SEMA3E: variants seen among roughly 807,000 people sequenced by gnomAD.
SEMA3E encodes the protein semaphorin 3E.
In SEMA3E, 49 loss-of-function variants were observed where a neutral mutation model predicts 93.6. The ratio of observed to expected loss-of-function variants is 0.52; its 90% CI spans 0.42 to 0.66. The LOEUF (loss-of-function observed/expected upper bound fraction) is 0.66, where lower values mean the gene tolerates loss of function less well. SEMA3E is among the 30% of genes least tolerant of loss of function. The probability of loss-of-function intolerance (pLI) is 0.00; values close to 1 mark genes in which losing one functional copy is unlikely to be tolerated. For missense variants in SEMA3E, 906 were observed against 964.8 expected (o/e 0.94, Z 0.81); for synonymous variants, 363 against 330.7 (o/e 1.10, Z -1.06).
In SEMA3E at chr7:83,454,541, G is replaced by T. The variant is rs116546419; in HGVS notation, c.456+11941C>A. On this transcript the variant is annotated intron_variant, in intron 4 of 16. Transcript: ENST00000643230. ...AAGGCACATTTCAGTCACATAATGG[G>T]TGACTTTTTGAACCTCAAAAACTTA... 8.8e-3 allele frequency among the ~76,000 whole-genome samples: 1,343 copies of T among 151,940 alleles called. 18 individuals are homozygous for T. The highest frequency in any genetic ancestry group is 0.031 in the African/African-American group (1,295 of 41,476).
At chr7:83,486,869 C>A (rs1297450063) in intron 2 of SEMA3E, among the ~76,000 whole-genome samples, 1 of 152,052 alleles carries the variant, frequency 6.6e-6, no homozygotes, top group Non-Finnish European at 1.5e-5. Flanking sequence ...CCCACTCCCC[C>A]AAGTTGTATA....
intron 1 of SEMA3E, among the ~76,000 whole-genome samples, chr7:83,640,990 G>C (rs1339325498): frequency 6.6e-6 from 1 of 152,066 alleles, no homozygotes; most frequent in Non-Finnish European, 1.5e-5. Context: ...AGGAAGTAGA[G>C]AAAAAGGTGG....
chr7:83,471,145 A>C (rs1250036445), intron 2 of SEMA3E, among the ~76,000 whole-genome samples: 1 of 152,054 alleles, frequency 6.6e-6, no homozygotes, highest in African/African-American at 2.4e-5. Context: ...ATTTGTTAAG[A>C]GGTATATGAT....
At chr7:83,544,203 G>A (rs1227183371) in intron 1 of SEMA3E, among the ~76,000 whole-genome samples, 2 of 151,944 alleles carry the variant, frequency 1.3e-5, no homozygotes, top group Non-Finnish European at 2.9e-5. Flanking sequence ...ACATTTAAGA[G>A]AAGTATATAA....
chr7:83,593,315 TGTGTGTGTGTGTGTGTGTG>T, intron 1 of SEMA3E, among the ~76,000 whole-genome samples: 1 of 108,692 alleles, frequency 9.2e-6, no homozygotes, highest in Admixed American at 9.7e-5. Flanking sequence ...TGTGTGTGTG[TGTGTGTGTGTGTGTGTGTG>T]TTGGGGAGGG....
chr7:83,396,965 C>G (rs1326091971), intron 11 of SEMA3E, among the ~76,000 whole-genome samples: 1 of 151,564 alleles, frequency 6.6e-6, no homozygotes, highest in Non-Finnish European at 1.5e-5. Context: ...ACCTGTAATC[C>G]CAGCTACTTG....
intron 9 of SEMA3E, 107 bp from the exon 10 acceptor site, chr7:83,402,883 T>G (rs939458146): frequency 5.6e-5 from 59 of 1,051,664 alleles, no homozygotes; most frequent in Non-Finnish European, 8.3e-5. Context: ...GGTAAAGTGG[T>G]TGCAATTTCT....
chr7:83,467,386 T>C (rs1789790781), intron 3 of SEMA3E, among the ~76,000 whole-genome samples: 1 of 152,184 alleles, frequency 6.6e-6, no homozygotes, highest in East Asian at 1.9e-4. Context: ...AGTCTTATAT[T>C]CTCACACTCA....
At position 83,585,575 on chromosome 7, in the gene SEMA3E, G is replaced by C. The variant is rs1316300928; in HGVS notation, c.115+62853C>G. ...TGTATTAGGATATTAAGACACCATA[G>C]ACTGCTAAATGGCTGGATAAATCAG... On this transcript the variant is annotated intron_variant, in intron 1 of 16. Transcript: ENST00000643230. 2.6e-5 allele frequency among the ~76,000 whole-genome samples: 4 copies of C among 152,176 alleles called. No homozygotes were observed. In the South Asian group the frequency reaches 6.2e-4, roughly 24 times the overall value.
At chr7:83,629,394 C>T (rs1452969983) in intron 1 of SEMA3E, among the ~76,000 whole-genome samples, 1 of 152,010 alleles carries the variant, frequency 6.6e-6, no homozygotes, top group Non-Finnish European at 1.5e-5. Flanking sequence ...TAAGTACAGC[C>T]ACCCCTTCCC....
intron 1 of SEMA3E, among the ~76,000 whole-genome samples, chr7:83,503,012 CT>C (rs71074668): frequency 7.6e-4 from 100 of 131,192 alleles, no homozygotes; most frequent in Non-Finnish European, 7.9e-4. Flanking sequence ...CTTTCTCTCT[CT>C]TTTTTTTTTT....
chr7:83,410,326 T>G (rs942016957), intron 5 of SEMA3E, among the ~76,000 whole-genome samples: 7 of 151,996 alleles, frequency 4.6e-5, no homozygotes, highest in African/African-American at 1.7e-4. Flanking sequence ...TATTTGAAAA[T>G]TTTCAAGATC....
chr7:83,413,055 T>A (rs1385027621), intron 5 of SEMA3E, among the ~76,000 whole-genome samples: 5 of 152,170 alleles, frequency 3.3e-5, no homozygotes, highest in African/African-American at 7.2e-5. Context: ...TTTGACTCTT[T>A]GAAATAGATA....
Position 83,520,353 on chromosome 7 carries a change from C to G in SEMA3E, c.116-30079G>C, listed in dbSNP as rs570855005. On this transcript the variant is annotated intron_variant, in intron 1 of 16. Transcript: ENST00000643230. ...CTCCTTCCAAGGACCAAGGAAAGTACCTTGGAGAGAAAGACTTGGCAACAG... is the reference window on the plus strand; with the variant it reads ...CTCCTTCCAAGGACCAAGGAAAGTAGCTTGGAGAGAAAGACTTGGCAACAG... Among the ~76,000 whole-genome samples the G allele has an allele frequency of 2.2e-4, 33 of 152,192 alleles. 1 individual carries two copies. The South Asian group carries it at 6.8e-3, about 32-fold the overall frequency.
chr7:83,613,244 C>T (rs1479094275), intron 1 of SEMA3E, among the ~76,000 whole-genome samples: 1 of 152,028 alleles, frequency 6.6e-6, no homozygotes, highest in Non-Finnish European at 1.5e-5. Context: ...TTAACCCATC[C>T]TGCCTTTCTC....
At position 83,406,003 on chromosome 7, in the gene SEMA3E, C is replaced by T. The variant is rs756513699; in HGVS notation, c.870G>A (p.Ala290=). The T allele has an allele frequency of 6.5e-5, 105 of 1,613,432 alleles. No individual in the cohort carries two copies. The South Asian group carries it at 9.6e-4, about 15-fold the overall frequency. Residue 290 remains alanine (A), a synonymous_variant, in exon 8 of 17, where the codon GCG becomes GCA. Coordinates refer to ENST00000643230, the MANE Select transcript of SEMA3E (RefSeq NM_012431.3). ...LVNKWSTFLK[A]RLVCSVPGMN... ...TTCCTGGTACTGAGCAAACGAGTCT[C>T]GCTTTTAGGAAAGTGCTCCACTTAT...
intron 9 of SEMA3E, among the ~76,000 whole-genome samples, chr7:83,405,093 A>G (rs1356428129): frequency 6.6e-6 from 1 of 151,968 alleles, no homozygotes; most frequent in East Asian, 1.9e-4. Flanking sequence ...GAATAAAGGA[A>G]TTATCCTAGA....
chr7:83,452,131 A>ATGTG (rs67605953), intron 4 of SEMA3E, among the ~76,000 whole-genome samples: 2 of 151,308 alleles, frequency 1.3e-5, no homozygotes, highest in African/African-American at 4.9e-5. Flanking sequence ...ATGTGTATGT[A>ATGTG]TGTGTGTGTG....
chr7:83,497,595 G>A (rs991339470), intron 1 of SEMA3E, among the ~76,000 whole-genome samples: 1 of 152,184 alleles, frequency 6.6e-6, no homozygotes, highest in African/African-American at 2.4e-5. Flanking sequence ...ATGCTTTGAT[G>A]ATTTTGACAG....
Sources: allele counts gnomAD v4.1 joint callset (sites outside exome capture counted in the v4.1 genomes callset), GRCh38; gene constraint gnomAD v4.1.1; transcripts MANE v1.5; gene names NCBI Gene and HGNC (gene_info 2026-07-23, HGNC 2026-07-21).